Variants in AGBL4 observed in about 807,000 individuals in gnomAD.
AGBL4 encodes the protein AGBL carboxypeptidase 4.
Under a neutral mutation model 66.4 loss-of-function variants are expected in AGBL4, and 58 were observed. That is an observed-to-expected ratio of 0.87 (90% confidence interval 0.71 to 1.09). The LOEUF (loss-of-function observed/expected upper bound fraction) is 1.09. Ranked by LOEUF, AGBL4 falls within the 50% of genes least tolerant of loss-of-function variation. The probability of loss-of-function intolerance (pLI) is 0.00; values close to 1 mark genes in which losing one functional copy is unlikely to be tolerated. For synonymous variants in AGBL4, 234 were observed against 222.9 expected, an observed-to-expected ratio of 1.05 and a Z score of -0.44; for missense variants, 579 against 631.0, an observed-to-expected ratio of 0.92 and a Z score of 0.88.
At chr1:49,338,385 T>G (rs996294302) in intron 3 of AGBL4, among the ~76,000 whole-genome samples, 3 of 152,248 alleles carry the variant, frequency 2.0e-5, no homozygotes, top group African/African-American at 7.2e-5. Context: ...GTAACCTTGG[T>G]ATCTTCCTAA....
intron 3 of AGBL4, among the ~76,000 whole-genome samples, chr1:49,485,352 C>A (rs1265405714): frequency 6.7e-6 from 1 of 149,298 alleles, no homozygotes; most frequent in Non-Finnish European, 1.5e-5. Context: ...CAAACTATCG[C>A]AAGGACAAAA....
intron 1 of AGBL4, among the ~76,000 whole-genome samples, chr1:49,886,491 T>C (rs768404216): frequency 3.3e-5 from 5 of 152,076 alleles, no homozygotes; most frequent in Admixed American, 6.6e-5. Context: ...AACCAATCCC[T>C]GAAAAAAATA....
chr1:49,943,251 T>C (rs1654926491), intron 1 of AGBL4, among the ~76,000 whole-genome samples: 1 of 152,014 alleles, frequency 6.6e-6, no homozygotes, highest in African/African-American at 2.4e-5. Context: ...TGAAAAACAG[T>C]ATGGAGAGGA....
At chr1:48,618,220 A>G (rs1645351650) in intron 9 of AGBL4, among the ~76,000 whole-genome samples, 1 of 152,192 alleles carries the variant, frequency 6.6e-6, no homozygotes, top group Non-Finnish European at 1.5e-5. Context: ...AAAACGAAAC[A>G]AAACAATAAT....
chr1:48,714,585 C>G (rs1647018812), intron 6 of AGBL4, among the ~76,000 whole-genome samples: 1 of 152,228 alleles, frequency 6.6e-6, no homozygotes, highest in African/African-American at 2.4e-5. Flanking sequence ...CTTCCTAACT[C>G]CAGTCTCACC....
chr1:49,616,186 G>A (rs573945790), intron 3 of AGBL4, among the ~76,000 whole-genome samples: 10 of 152,052 alleles, frequency 6.6e-5, no homozygotes, highest in Admixed American at 2.6e-4. Flanking sequence ...TCTCTTAGAC[G>A]TAATCAAGTC....
chr1:48,842,988 A>C (rs1646838480), intron 6 of AGBL4, among the ~76,000 whole-genome samples: 1 of 152,114 alleles, frequency 6.6e-6, no homozygotes, highest in Non-Finnish European at 1.5e-5. Flanking sequence ...TAGACACAGA[A>C]AGTAGAATGG....
At chr1:49,083,824 C>T (rs679783) in intron 4 of AGBL4, among the ~76,000 whole-genome samples, 102,735 of 152,084 alleles carry the variant, frequency 0.68, 35,295 homozygotes, top group African/African-American at 0.75. Context: ...CCAAATTATA[C>T]CTTTGTGAAT....
intron 3 of AGBL4, among the ~76,000 whole-genome samples, chr1:49,330,760 A>G (rs1255158128): frequency 6.6e-6 from 1 of 152,180 alleles, no homozygotes; most frequent in Non-Finnish European, 1.5e-5. Context: ...GAAATGAAGC[A>G]AAGGGGTGAA....
chr1:48,716,769 ATAGCAACTCTGG>A (rs1446742296), intron 6 of AGBL4, among the ~76,000 whole-genome samples: 1 of 152,164 alleles, frequency 6.6e-6, no homozygotes, highest in Non-Finnish European at 1.5e-5. Context: ...GAAGGTACTG[ATAGCAACTCTGG>A]TTAGCTCTGG....
intron 1 of AGBL4, among the ~76,000 whole-genome samples, chr1:49,914,654 C>T (rs1046646024): frequency 6.6e-6 from 1 of 152,206 alleles, no homozygotes; most frequent in African/African-American, 2.4e-5. Context: ...AAAGCCACTC[C>T]CACATATTCA....
At chr1:48,957,334 C>T (rs997171985) in intron 5 of AGBL4, among the ~76,000 whole-genome samples, 28 of 152,066 alleles carry the variant, frequency 1.8e-4, no homozygotes, top group Middle Eastern at 3.2e-3. Context: ...TATTCAACTT[C>T]GGTATAGTAA....
At chr1:48,973,323 T>C (rs1239033656) in intron 5 of AGBL4, among the ~76,000 whole-genome samples, 1 of 152,168 alleles carries the variant, frequency 6.6e-6, no homozygotes, top group East Asian at 1.9e-4. Flanking sequence ...TGTGTACATA[T>C]CACATTTTAG....
intron 1 of AGBL4, among the ~76,000 whole-genome samples, chr1:49,997,234 A>T (rs1660436177): frequency 6.6e-6 from 1 of 152,202 alleles, no homozygotes; most frequent in Non-Finnish European, 1.5e-5. Context: ...TAAATGGCCT[A>T]AATGCTCCAC....
At chr1:48,600,580 T>G (rs993408120) in intron 9 of AGBL4, among the ~76,000 whole-genome samples, 8 of 152,180 alleles carry the variant, frequency 5.3e-5, no homozygotes, top group African/African-American at 1.9e-4. Context: ...GGTTCTGTAA[T>G]TATAACAATC....
chr1:49,207,381 CA>C (rs1648238336), intron 4 of AGBL4, among the ~76,000 whole-genome samples: 1 of 152,022 alleles, frequency 6.6e-6, no homozygotes. Context: ...AAACAAGAGC[CA>C]AAAACCACAC....
chr1:48,592,855 A>G (rs555361495), intron 9 of AGBL4, among the ~76,000 whole-genome samples: 115 of 152,140 alleles, frequency 7.6e-4, no homozygotes, highest in African/African-American at 2.6e-3. Flanking sequence ...TTACTTTTAA[A>G]TTTTTTTGAA....
At chr1:48,737,586 C>T (rs1486087282) in intron 6 of AGBL4, among the ~76,000 whole-genome samples, 1 of 152,170 alleles carries the variant, frequency 6.6e-6, no homozygotes, top group East Asian at 1.9e-4. Context: ...ACAAGGTACC[C>T]AGTTTGATTC....
rs376410444 is a variant in AGBL4, at chr1:49,950,084, G to GTA, written c.34+73677_34+73678dup. 4.0e-4 allele frequency among the ~76,000 whole-genome samples: 54 copies of GTA among 134,658 alleles called. 1 individual carries two copies. The East Asian group carries it at 8.2e-3, about 20-fold the overall frequency. 88.3% of individuals were successfully genotyped at this position (134,658 alleles called of 152,430 possible). On this transcript the variant is annotated intron_variant, in intron 1 of 13. Coordinates refer to ENST00000371839, the MANE Select transcript of AGBL4 (RefSeq NM_032785.4). ...TACACACATATATATACACATATGT[G>GTA]TATATATATACACATATATATACAT... is the stretch of plus-strand genomic sequence containing the variant.
Sources: allele counts gnomAD v4.1 joint callset (sites outside exome capture counted in the v4.1 genomes callset), GRCh38; gene constraint gnomAD v4.1.1; transcripts MANE v1.5; gene names NCBI Gene and HGNC (gene_info 2026-07-23, HGNC 2026-07-21).